Variants in RBMS3 observed in about 807,000 individuals in gnomAD.
RBMS3 encodes RNA binding motif single stranded interacting protein 3, also known as RNA-binding motif, single-stranded-interacting protein 3.
Under a neutral mutation model 66.8 loss-of-function variants are expected in RBMS3, and 27 were observed. The ratio of observed to expected loss-of-function variants is 0.40; its 90% CI spans 0.30 to 0.56. The LOEUF is 0.56. Among genes scored for constraint, RBMS3 ranks in the 20% least tolerant of loss-of-function variants. The pLI, the probability that RBMS3 is intolerant of heterozygous loss-of-function variation, is 0.40. For missense variants in RBMS3, 513 were observed against 549.5 expected (o/e 0.93, Z 0.66); for synonymous variants, 188 against 183.0 (o/e 1.03, Z -0.22).
At chr3:29,456,057 G>A (rs1464496869) in intron 2 of RBMS3, among the ~76,000 whole-genome samples, 1 of 152,136 alleles carries the variant, frequency 6.6e-6, no homozygotes, top group Non-Finnish European at 1.5e-5. Flanking sequence ...TGCAAATACA[G>A]AATCAGTGAA....
At chr3:29,822,274 G>A (rs2058094159) in intron 6 of RBMS3, among the ~76,000 whole-genome samples, 1 of 152,132 alleles carries the variant, frequency 6.6e-6, no homozygotes, top group South Asian at 2.1e-4. Context: ...ACCAGTGAAT[G>A]CCTAATTTTA....
chr3:29,447,894 T>C (rs1196356973), intron 2 of RBMS3, among the ~76,000 whole-genome samples: 1 of 152,210 alleles, frequency 6.6e-6, no homozygotes, highest in African/African-American at 2.4e-5. Context: ...ACCTTCGTTT[T>C]TGATCATTGC....
At chr3:29,749,967 G>A (rs1039348893) in intron 5 of RBMS3, among the ~76,000 whole-genome samples, 4 of 152,110 alleles carry the variant, frequency 2.6e-5, no homozygotes, top group South Asian at 4.1e-4. Flanking sequence ...AAAGAGAAAA[G>A]TGAACATTTC....
At position 29,644,686 on chromosome 3, in the gene RBMS3, T is replaced by C. The variant is rs1036631266; in HGVS notation, c.399+57481T>C. Among the ~76,000 whole-genome samples the C allele has an allele frequency of 2.0e-5, 3 of 152,178 alleles. No individual in the cohort carries two copies. In the East Asian group the frequency reaches 5.8e-4, roughly 29 times the overall value. On this transcript the variant is annotated intron_variant, in intron 4 of 14. Coordinates refer to ENST00000383767, the MANE Select transcript of RBMS3 (RefSeq NM_001003793.3). The stretch of plus-strand genomic sequence containing the variant: ...CCAATATATTATAATAGTATATGAA[T>C]TTTAGTCTTTCATTGCAGGCACTAT...
intron 2 of RBMS3, among the ~76,000 whole-genome samples, chr3:29,476,619 C>A (rs1262442113): frequency 6.6e-6 from 1 of 152,088 alleles, no homozygotes; most frequent in Non-Finnish European, 1.5e-5. Flanking sequence ...AACGTATTGA[C>A]AAAATAGCTG....
intron 1 of RBMS3, among the ~76,000 whole-genome samples, chr3:29,323,679 T>G (rs2035140226): frequency 8.6e-6 from 1 of 116,898 alleles, no homozygotes; most frequent in Admixed American, 9.0e-5. Context: ...CACATACAGT[T>G]ACACACACAC....
chr3:29,353,871 G>A (rs899352012), intron 1 of RBMS3, among the ~76,000 whole-genome samples: 2 of 152,050 alleles, frequency 1.3e-5, no homozygotes, highest in African/African-American at 4.8e-5. Flanking sequence ...ATAAACATAT[G>A]CTAAGTTATT....
intron 1 of RBMS3, among the ~76,000 whole-genome samples, chr3:29,359,275 A>G (rs1425202340): frequency 6.6e-6 from 1 of 152,156 alleles, no homozygotes; most frequent in Non-Finnish European, 1.5e-5. Context: ...GAATTTTGTC[A>G]AAGGCCTTTT....
intron 1 of RBMS3, among the ~76,000 whole-genome samples, chr3:29,375,570 A>G (rs1410115131): frequency 2.0e-5 from 3 of 152,252 alleles, no homozygotes; most frequent in Non-Finnish European, 4.4e-5. Context: ...TATCAAAAGA[A>G]GACATACATG....
chr3:29,801,479 G>T (rs951559482), intron 6 of RBMS3, among the ~76,000 whole-genome samples: 2 of 151,898 alleles, frequency 1.3e-5, no homozygotes, highest in African/African-American at 4.8e-5. Flanking sequence ...TATTGGCCAG[G>T]CTGGTCTCGA....
chr3:29,505,181 T>C (rs2044134532), intron 3 of RBMS3, among the ~76,000 whole-genome samples: 1 of 152,052 alleles, frequency 6.6e-6, no homozygotes, highest in African/African-American at 2.4e-5. Flanking sequence ...AGTAGTTTTA[T>C]AGTTTCAGGT....
intron 1 of RBMS3, among the ~76,000 whole-genome samples, chr3:29,361,684 C>G (rs1262633068): frequency 6.6e-6 from 1 of 152,190 alleles, no homozygotes; most frequent in Admixed American, 6.5e-5. Context: ...TTCAGGTACA[C>G]CAATCAGATG....
intron 8 of RBMS3, among the ~76,000 whole-genome samples, chr3:29,888,759 A>G (rs1393196091): frequency 6.6e-6 from 1 of 151,678 alleles, no homozygotes; most frequent in Non-Finnish European, 1.5e-5. Context: ...TAAATTCTCT[A>G]AATCCATTTA....
chr3:29,783,405 A>C (rs960574897), intron 6 of RBMS3, among the ~76,000 whole-genome samples: 5 of 152,164 alleles, frequency 3.3e-5, no homozygotes, highest in African/African-American at 1.2e-4. Context: ...TAGCATCCTT[A>C]AACAAAACAA....
intron 14 of RBMS3, chr3:29,991,414 C>A: frequency 1.4e-6 from 1 of 700,302 alleles, no homozygotes; most frequent in Non-Finnish European, 2.2e-6. Context: ...AATCAAACAT[C>A]TAGGAACAGC....
chr3:29,887,741 A>C (rs1479900407), intron 8 of RBMS3, among the ~76,000 whole-genome samples: 2 of 151,802 alleles, frequency 1.3e-5, no homozygotes, highest in African/African-American at 2.4e-5. Context: ...TCATTAAGAC[A>C]AAAAAAGATC....
chr3:29,994,507 C>A (rs1209211966), intron 14 of RBMS3, among the ~76,000 whole-genome samples: 6 of 152,378 alleles, frequency 3.9e-5, no homozygotes, highest in African/African-American at 1.4e-4. Flanking sequence ...ACAGCAGTAA[C>A]CTCTGCAGAC....
chr3:29,357,089 T>G (rs1459035834), intron 1 of RBMS3, among the ~76,000 whole-genome samples: 1 of 152,196 alleles, frequency 6.6e-6, no homozygotes, highest in Non-Finnish European at 1.5e-5. Context: ...AGGGTACATG[T>G]GCACAACGTG....
At chr3:29,394,168 AC>A (rs1297316942) in intron 1 of RBMS3, among the ~76,000 whole-genome samples, 1 of 152,114 alleles carries the variant, frequency 6.6e-6, no homozygotes, top group Non-Finnish European at 1.5e-5. Flanking sequence ...CCATTTAGAG[AC>A]TGCCCCCTGG....
Sources: gnomAD v4.1 joint callset for allele counts (sites outside exome capture counted in the v4.1 genomes callset) on GRCh38, gnomAD v4.1.1 for gene constraint, MANE v1.5 for transcripts, NCBI Gene and HGNC (gene_info 2026-07-23, HGNC 2026-07-21) for gene names.